Variants in RBFOX1 observed in about 807,000 individuals in gnomAD.
RBFOX1 encodes RNA binding fox-1 homolog 1.
Under a neutral mutation model 57.7 loss-of-function variants are expected in RBFOX1, and 8 were observed. That is an observed-to-expected ratio of 0.14 (90% CI 0.08 to 0.25). The LOEUF (loss-of-function observed/expected upper bound fraction) is 0.25. Ranked by LOEUF, RBFOX1 falls within the 10% of genes least tolerant of loss-of-function variation. The probability of loss-of-function intolerance (pLI) is 1.00; values close to 1 mark genes in which losing one functional copy is unlikely to be tolerated. For synonymous variants in RBFOX1, 326 were observed against 222.4 expected (o/e 1.47, Z -4.15); for missense variants, 611 against 548.5 (o/e 1.11, Z -1.14).
intron 2 of RBFOX1, among the ~76,000 whole-genome samples, chr16:5,597,661 G>C (rs2047230835): frequency 6.6e-6 from 1 of 152,046 alleles, no homozygotes; most frequent in African/African-American, 2.4e-5. Context: ...CGGCCTTGCT[G>C]ACTTTTGATT....
At chr16:7,085,844 C>T (rs1011130911) in intron 4 of RBFOX1, among the ~76,000 whole-genome samples, 23 of 152,136 alleles carry the variant, frequency 1.5e-4, no homozygotes, top group Admixed American at 6.5e-5. Context: ...CTGGTTTTAG[C>T]ACTGAAAATC....
At chr16:6,766,695 C>G (rs2077380506) in intron 3 of RBFOX1, among the ~76,000 whole-genome samples, 1 of 152,000 alleles carries the variant, frequency 6.6e-6, no homozygotes, top group African/African-American at 2.4e-5. Context: ...TCATCTTGGA[C>G]AACACAACTC....
chr16:6,340,118 T>C (rs974598983), intron 2 of RBFOX1, among the ~76,000 whole-genome samples: 1 of 152,212 alleles, frequency 6.6e-6, no homozygotes, highest in Non-Finnish European at 1.5e-5. Context: ...TGATTAATAC[T>C]TAATTATGAC....
intron 1 of RBFOX1, among the ~76,000 whole-genome samples, chr16:6,181,888 G>T (rs914144140): frequency 8.6e-5 from 13 of 151,294 alleles, no homozygotes; most frequent in African/African-American, 2.7e-4. Flanking sequence ...TCCAGCCGTG[G>T]CAATATCATC....
intron 3 of RBFOX1, among the ~76,000 whole-genome samples, chr16:6,714,169 A>G (rs568089797): frequency 3.3e-5 from 5 of 152,180 alleles, no homozygotes; most frequent in Admixed American, 3.3e-4. Context: ...ACCTGCCACC[A>G]TGTAAGCCAT....
chr16:6,670,037 A>G (rs2154108982), intron 3 of RBFOX1, among the ~76,000 whole-genome samples: 1 of 152,236 alleles, frequency 6.6e-6, no homozygotes, highest in Non-Finnish European at 1.5e-5. Flanking sequence ...ATCTCTATAT[A>G]TTGAGACAGG....
At chr16:6,426,793 C>G (rs893011615) in intron 2 of RBFOX1, among the ~76,000 whole-genome samples, 3 of 152,142 alleles carry the variant, frequency 2.0e-5, no homozygotes, top group African/African-American at 7.2e-5. Context: ...TAGGTTAGAC[C>G]TGTCTTGACC....
intron 2 of RBFOX1, among the ~76,000 whole-genome samples, chr16:6,405,611 C>T (rs550433340): frequency 4.6e-5 from 7 of 152,248 alleles, no homozygotes; most frequent in African/African-American, 1.7e-4. Context: ...AATGAGAATG[C>T]TGCTCTTCTG....
chr16:6,328,317 A>T (rs557949490), intron 2 of RBFOX1, among the ~76,000 whole-genome samples: 2 of 152,222 alleles, frequency 1.3e-5, no homozygotes, highest in East Asian at 3.9e-4. Flanking sequence ...AAGACTACAA[A>T]CTGGGTTCAG....
intron 3 of RBFOX1, among the ~76,000 whole-genome samples, chr16:6,683,468 A>C (rs1042977992): frequency 6.6e-6 from 1 of 152,222 alleles, no homozygotes; most frequent in Non-Finnish European, 1.5e-5. Flanking sequence ...AGGAGAAAAA[A>C]ATACCTGTAA....
chr16:6,792,065 C>T (rs1050131294), intron 3 of RBFOX1, among the ~76,000 whole-genome samples: 57 of 152,080 alleles, frequency 3.7e-4, no homozygotes, highest in African/African-American at 1.3e-3. Context: ...CGAACTATCA[C>T]ATATATTACT....
intron 4 of RBFOX1, among the ~76,000 whole-genome samples, chr16:7,084,361 T>C (rs1469576261): frequency 6.6e-6 from 1 of 152,052 alleles, no homozygotes; most frequent in African/African-American, 2.4e-5. Context: ...AAAATGTGGA[T>C]AGAAAAAAGC....
At chr16:7,230,632 C>G (rs1490597505) in intron 4 of RBFOX1, among the ~76,000 whole-genome samples, 1 of 152,140 alleles carries the variant, frequency 6.6e-6, no homozygotes, top group Non-Finnish European at 1.5e-5. Flanking sequence ...GCTTCTGATG[C>G]ATTCATTCTG....
At chr16:6,580,908 CTTTTTT>C (rs5815330) in intron 2 of RBFOX1, among the ~76,000 whole-genome samples, 27 of 142,534 alleles carry the variant, frequency 1.9e-4, no homozygotes, top group African/African-American at 5.0e-4. Flanking sequence ...TTTGGGCTTG[CTTTTTT>C]TTTTTTTTTT....
chr16:6,484,217 TGA>T (rs1408309605), intron 2 of RBFOX1, among the ~76,000 whole-genome samples: 2 of 152,092 alleles, frequency 1.3e-5, no homozygotes, highest in Non-Finnish European at 2.9e-5. Context: ...GCTCTGGAAA[TGA>T]GAGGTTTATG....
intron 3 of RBFOX1, among the ~76,000 whole-genome samples, chr16:5,837,158 C>T (rs1484454684): frequency 6.6e-6 from 1 of 152,074 alleles, no homozygotes; most frequent in Non-Finnish European, 1.5e-5. Context: ...TGGAATCCTG[C>T]CACTTTCATG....
At chr16:5,858,341 C>A (rs1597519032) in intron 3 of RBFOX1, among the ~76,000 whole-genome samples, 2 of 152,192 alleles carry the variant, frequency 1.3e-5, no homozygotes, top group Non-Finnish European at 2.9e-5. Flanking sequence ...CCCGTGTTTT[C>A]TACCATGTGT....
At chr16:6,207,199 C>G (rs1384642786) in intron 1 of RBFOX1, among the ~76,000 whole-genome samples, 2 of 152,250 alleles carry the variant, frequency 1.3e-5, no homozygotes, top group Middle Eastern at 3.4e-3. Context: ...TGTCTTTTCC[C>G]TTTAGCTTTC....
At chr16:5,542,415 ATT>A (rs754958698) in intron 2 of RBFOX1, among the ~76,000 whole-genome samples, 13 of 139,072 alleles carry the variant, frequency 9.3e-5, no homozygotes, top group African/African-American at 7.9e-5. Flanking sequence ...TGCCTGGCTA[ATT>A]TTTTTTTTTT....
Sources: allele counts gnomAD v4.1 joint callset (sites outside exome capture counted in the v4.1 genomes callset), GRCh38; gene constraint gnomAD v4.1.1; transcripts MANE v1.5; gene names NCBI Gene and HGNC (gene_info 2026-07-23, HGNC 2026-07-21).